LUZP2: variants seen among roughly 807,000 people sequenced by gnomAD.
LUZP2 encodes leucine zipper protein 2.
Under a neutral mutation model 51.6 loss-of-function variants are expected in LUZP2, and 52 were observed. The observed-to-expected ratio is 1.01, with a 90% confidence interval of 0.81 to 1.27. The LOEUF (loss-of-function observed/expected upper bound fraction) is 1.27. Ranked by LOEUF, LUZP2 falls within the 50% of genes most tolerant of loss-of-function variation. LUZP2 has a pLI of 0.00. For synonymous variants in LUZP2, 154 were observed against 137.3 expected (o/e 1.12, Z -0.85); for missense variants, 436 against 395.4 (o/e 1.10, Z -0.87).
Position 24,757,407 on chromosome 11 carries a change from G to A in LUZP2, c.334-5839G>A, listed in dbSNP as rs566057082. Among the ~76,000 whole-genome samples the A allele has an allele frequency of 2.6e-5, 4 of 152,188 alleles. No homozygotes were observed. In the East Asian group the frequency reaches 5.8e-4, roughly 22 times the overall value. The stretch of plus-strand genomic sequence containing the variant: ...ATATGTTCTAATAACCATTGGATTA[G>A]TGAGAAATGATCAAACACATTGTCA... On this transcript the variant is annotated intron_variant, in intron 4 of 11. Transcript: ENST00000336930.
At chr11:24,837,197 C>A (rs1395737528) in intron 5 of LUZP2, among the ~76,000 whole-genome samples, 2 of 151,638 alleles carry the variant, frequency 1.3e-5, no homozygotes, top group Non-Finnish European at 3.0e-5. Flanking sequence ...ATTTTTTATA[C>A]TTTCCTTTTA....
chr11:24,645,747 A>C (rs1160239970), intron 1 of LUZP2, among the ~76,000 whole-genome samples: 1 of 146,958 alleles, frequency 6.8e-6, no homozygotes, highest in African/African-American at 2.7e-5. Flanking sequence ...CTGGCTTGTT[A>C]TTATGGTATT....
intron 6 of LUZP2, among the ~76,000 whole-genome samples, chr11:24,909,418 C>T (rs1259421923): frequency 6.6e-6 from 1 of 151,380 alleles, no homozygotes; most frequent in Non-Finnish European, 1.5e-5. Context: ...GAAGAATTGA[C>T]ATGCAGTTTG....
chr11:24,497,318 G>A lies in LUZP2; in HGVS notation c.62+13G>A. 6.6e-7 allele frequency: 1 copy of A among 1,525,828 alleles called. No individual in the cohort carries two copies. Among genetic ancestry groups the A allele is most frequent in the Non-Finnish European group, 8.8e-7 (1 of 1,130,508 alleles). The allele number at this position is 1,525,828 out of a possible 1,614,324, so 94.5% of individuals were successfully genotyped here. On this transcript the variant is annotated intron_variant, in intron 1 of 11. Transcript: ENST00000336930. ...TCCTCAGCACCAGGTGAGTCCAGGA[G>A]CGTGAGTGACCTGAGGCCAGGGGCG...
At chr11:24,820,988 C>G (rs535683885) in intron 5 of LUZP2, among the ~76,000 whole-genome samples, 1 of 152,158 alleles carries the variant, frequency 6.6e-6, no homozygotes, top group African/African-American at 2.4e-5. Context: ...TGCAGATAAT[C>G]AGTGGATCTG....
At chr11:24,850,519 T>C (rs140385399) in intron 5 of LUZP2, among the ~76,000 whole-genome samples, 1,588 of 149,554 alleles carry the variant, frequency 0.011, 19 homozygotes, top group African/African-American at 0.037. Flanking sequence ...TTTTGGTTAC[T>C]GTAGGCTTGT....
chr11:24,920,533 A>G (rs577745665), intron 7 of LUZP2, among the ~76,000 whole-genome samples: 1 of 152,216 alleles, frequency 6.6e-6, no homozygotes, highest in East Asian at 1.9e-4. Context: ...AATATACAGA[A>G]TCAATTGTAA....
At chr11:24,737,092 C>T (rs1858971645) in intron 3 of LUZP2, among the ~76,000 whole-genome samples, 1 of 152,042 alleles carries the variant, frequency 6.6e-6, no homozygotes, top group African/African-American at 2.4e-5. Flanking sequence ...ACATCATGGT[C>T]AGAGAATGAA....
chr11:24,912,619 G>C (rs1391665751), intron 6 of LUZP2, among the ~76,000 whole-genome samples: 1 of 152,050 alleles, frequency 6.6e-6, no homozygotes, highest in Non-Finnish European at 1.5e-5. Context: ...GACAAGCCTG[G>C]ACAACACAGT....
chr11:24,619,431 T>C (rs893426802), intron 1 of LUZP2, among the ~76,000 whole-genome samples: 1 of 152,320 alleles, frequency 6.6e-6, no homozygotes, highest in South Asian at 2.1e-4. Context: ...AGAATTTTCT[T>C]ATCCTTAAAA....
At chr11:24,809,518 G>C (rs1013831332) in intron 5 of LUZP2, among the ~76,000 whole-genome samples, 13 of 152,054 alleles carry the variant, frequency 8.5e-5, no homozygotes, top group African/African-American at 3.1e-4. Context: ...CTTTGCCTTA[G>C]TGTGAACATA....
At chr11:24,807,863 C>T (rs1309576750) in intron 5 of LUZP2, among the ~76,000 whole-genome samples, 1 of 152,128 alleles carries the variant, frequency 6.6e-6, no homozygotes, top group Non-Finnish European at 1.5e-5. Flanking sequence ...CTTTGGCTTT[C>T]TCAGTTGCCA....
intron 8 of LUZP2, among the ~76,000 whole-genome samples, chr11:24,978,712 A>G (rs1334175612): frequency 1.3e-5 from 2 of 151,790 alleles, no homozygotes; most frequent in African/African-American, 4.8e-5. Flanking sequence ...GTATACTGAG[A>G]CATGAGGCAA....
intron 5 of LUZP2, among the ~76,000 whole-genome samples, chr11:24,883,712 TG>T: frequency 6.6e-6 from 1 of 152,192 alleles, no homozygotes; most frequent in East Asian, 1.9e-4. Context: ...TTTTATTTAC[TG>T]ACTAGCAAAC....
intron 5 of LUZP2, among the ~76,000 whole-genome samples, chr11:24,812,680 G>T (rs979767329): frequency 3.9e-5 from 6 of 152,170 alleles, no homozygotes; most frequent in African/African-American, 1.4e-4. Context: ...GATTAGGTAT[G>T]AAGGGAGACA....
intron 7 of LUZP2, among the ~76,000 whole-genome samples, chr11:24,949,283 CTAGAT>C (rs1020647448): frequency 6.7e-6 from 1 of 148,826 alleles, no homozygotes; most frequent in Non-Finnish European, 1.5e-5. Context: ...TATCTATTAT[CTAGAT>C]TATCTATCTA....
In LUZP2 at chr11:24,906,096, C is replaced by G. The variant is rs190216785; in HGVS notation, c.459+43C>G. 2.5e-5 allele frequency: 37 copies of G among 1,451,082 alleles called. No homozygotes were observed. In the Admixed American group the frequency reaches 4.4e-4, roughly 17 times the overall value. 89.9% of individuals were successfully genotyped at this position (1,451,082 alleles called of 1,614,324 possible). On this transcript the variant is annotated intron_variant, in intron 6 of 11. Transcript: ENST00000336930. ...TCTTCTAGCTTTAACCAGATAAAAA[C>G]AGTATTATTGTCAGATTTTTGTTCA...
At chr11:24,931,138 G>A (rs183114571) in intron 7 of LUZP2, among the ~76,000 whole-genome samples, 3 of 151,920 alleles carry the variant, frequency 2.0e-5, no homozygotes, top group African/African-American at 7.2e-5. Flanking sequence ...TTGAACACAG[G>A]AGGCAGAGGT....
chr11:24,730,557 G>A (rs868509457), intron 2 of LUZP2, among the ~76,000 whole-genome samples: 1 of 151,914 alleles, frequency 6.6e-6, no homozygotes, highest in Middle Eastern at 3.4e-3. Flanking sequence ...GATTTCTAGT[G>A]AAGCCAATGC....
Sources: allele counts gnomAD v4.1 joint callset (sites outside exome capture counted in the v4.1 genomes callset), GRCh38; gene constraint gnomAD v4.1.1; transcripts MANE v1.5; gene names NCBI Gene and HGNC (gene_info 2026-07-23, HGNC 2026-07-21).